The following AZIN2 variants were observed in gnomAD, a reference collection of about 807,000 sequenced individuals.
The protein encoded by AZIN2 is ODC antizyme inhibitor-2.
Under a neutral mutation model 47.8 loss-of-function variants are expected in AZIN2, and 28 were observed. That is an observed-to-expected ratio of 0.59 (90% CI 0.43 to 0.80). The LOEUF (loss-of-function observed/expected upper bound fraction) is 0.80. Among genes scored for constraint, AZIN2 ranks in the 30% least tolerant of loss-of-function variants. The pLI, the probability that AZIN2 is intolerant of heterozygous loss-of-function variation, is 0.00. For missense variants in AZIN2, 535 were observed against 582.5 expected (o/e 0.92, Z 0.84); for synonymous variants, 221 against 239.4 (o/e 0.92, Z 0.71).
intron 11 of AZIN2, chr1:33,119,345 G>C (rs1262416822): frequency 6.5e-6 from 1 of 153,450 alleles, no homozygotes; most frequent in East Asian, 1.9e-4. Context: ...GATGAATCTG[G>C]GTCCTGGCTG....
At chr1:33,090,110 C>A (rs1642367978) in intron 5 of AZIN2, among the ~76,000 whole-genome samples, 1 of 152,164 alleles carries the variant, frequency 6.6e-6, no homozygotes, top group African/African-American at 2.4e-5. Context: ...AGTCCACCAC[C>A]TAATTTTATG....
At chr1:33,138,074 G>A in the AZIN2 span, among the ~76,000 whole-genome samples, 15 of 152,216 alleles carry the variant, frequency 9.9e-5, no homozygotes, top group Non-Finnish European at 1.8e-4. Flanking sequence ...CAGCTCAGGG[G>A]AGGTGGAGGA....
chr1:33,132,884 T>C, the AZIN2 span, among the ~76,000 whole-genome samples: 1 of 152,228 alleles, frequency 6.6e-6, no homozygotes, highest in Non-Finnish European at 1.5e-5. Context: ...GAGAGGCACC[T>C]CCTGTAACTC....
the AZIN2 span, among the ~76,000 whole-genome samples, chr1:33,161,772 T>A: frequency 6.6e-6 from 1 of 152,282 alleles, no homozygotes; most frequent in Non-Finnish European, 1.5e-5. The surrounding 1 kb of genome is among the most constrained non-coding windows in gnomAD (Gnocchi z 4.3). Context: ...GCTACTCCTC[T>A]GGCTCCTCCT....
Position 33,117,261 on chromosome 1 carries a change from T to C in AZIN2, c.1030-641T>C, listed in dbSNP as rs1570214377. ...CATCTTTCTCATTAGACTGAGGGCCTGAGGGAGGGTGAGTCTAGCCTGGTA... is the reference window on the plus strand; with the variant it reads ...CATCTTTCTCATTAGACTGAGGGCCCGAGGGAGGGTGAGTCTAGCCTGGTA... On this transcript the variant is annotated intron_variant, in intron 10 of 11. Coordinates refer to ENST00000294517, the MANE Select transcript of AZIN2 (RefSeq NM_052998.4). 2.0e-5 allele frequency among the ~76,000 whole-genome samples: 3 copies of C among 152,134 alleles called. No homozygotes were observed. The South Asian group carries it at 6.2e-4, about 31-fold the overall frequency.
chr1:33,089,634 C>A (rs1480132646), intron 5 of AZIN2, among the ~76,000 whole-genome samples: 1 of 152,188 alleles, frequency 6.6e-6, no homozygotes, highest in Non-Finnish European at 1.5e-5. Context: ...GCAAGCCCAG[C>A]TCTGGAGCTT....
At chr1:33,112,042 C>G (rs1644313277) in intron 10 of AZIN2, among the ~76,000 whole-genome samples, 1 of 152,100 alleles carries the variant, frequency 6.6e-6, no homozygotes, top group Non-Finnish European at 1.5e-5. Context: ...CAGTGGTAAT[C>G]AAGGAAATGC....
the AZIN2 span, among the ~76,000 whole-genome samples, chr1:33,154,947 G>C: frequency 2.0e-5 from 3 of 151,184 alleles, no homozygotes; most frequent in African/African-American, 7.3e-5. Flanking sequence ...CAAAAAATTA[G>C]CCAGGCGTCT....
chr1:33,147,532 G>A, the AZIN2 span: 8 of 1,613,834 alleles, frequency 5.0e-6, no homozygotes, highest in Admixed American at 1.7e-5. The surrounding 1 kb of genome is among the most constrained non-coding windows in gnomAD (Gnocchi z 8.1). Context: ...GGTCTTCTCC[G>A]CCACCACCAC....
the AZIN2 span, among the ~76,000 whole-genome samples, chr1:33,152,517 A>G: frequency 1.1e-4 from 16 of 150,654 alleles, no homozygotes; most frequent in Non-Finnish European, 1.8e-4. Flanking sequence ...TGGTGAGCCA[A>G]GATTGTGCCA....
chr1:33,083,794 C>T (rs1238253351), intron 4 of AZIN2, 160 bp from the exon 5 acceptor site: 8 of 753,846 alleles, frequency 1.1e-5, no homozygotes, highest in Non-Finnish European at 1.6e-5. Flanking sequence ...GAGGAGTTTG[C>T]CTTCTGCCCT....
chr1:33,111,501 T>A (rs1359918947), intron 10 of AZIN2, among the ~76,000 whole-genome samples: 1 of 152,192 alleles, frequency 6.6e-6, no homozygotes, highest in Admixed American at 6.5e-5. Context: ...TTAAAATAGT[T>A]TAGTTTTGAT....
chr1:33,147,587 C>T, the AZIN2 span: 1 of 1,614,146 alleles, frequency 6.2e-7, no homozygotes, highest in Non-Finnish European at 8.5e-7. This position sits in a 1 kb window ranked among gnomAD's most constrained non-coding sequence, Gnocchi z 8.1. Flanking sequence ...GAACCCAGCA[C>T]CGACACCTCC....
At chr1:33,138,640 A>AAAAAAAAAAAG in the AZIN2 span, among the ~76,000 whole-genome samples, 7 of 149,394 alleles carry the variant, frequency 4.7e-5, no homozygotes, top group South Asian at 2.1e-4. Flanking sequence ...AAAAAAAAAA[A>AAAAAAAAAAAG]AAAAAGAAAA....
At chr1:33,098,379 A>C (rs1160807523) in intron 10 of AZIN2, among the ~76,000 whole-genome samples, 200 bp downstream of exon 10, 1 of 152,230 alleles carries the variant, frequency 6.6e-6, no homozygotes, top group African/African-American at 2.4e-5. Flanking sequence ...TACTTTTTTC[A>C]TGACATTGGA....
chr1:33,130,733 C>A, the AZIN2 span, among the ~76,000 whole-genome samples: 1 of 152,156 alleles, frequency 6.6e-6, no homozygotes, highest in East Asian at 1.9e-4. Flanking sequence ...ATTTGTTAGG[C>A]AGCAATAGAT....
downstream of AZIN2, among the ~76,000 whole-genome samples, chr1:33,124,888 T>C (rs1280388283): frequency 6.6e-6 from 1 of 152,228 alleles, no homozygotes; most frequent in Non-Finnish European, 1.5e-5. This position sits in a 1 kb window ranked among gnomAD's most constrained non-coding sequence, Gnocchi z 4.6. Flanking sequence ...CCATGGTGTA[T>C]ATGTGCCACA....
chr1:33,099,625 C>T (rs1643499229), intron 10 of AZIN2, among the ~76,000 whole-genome samples: 1 of 152,152 alleles, frequency 6.6e-6, no homozygotes, highest in Non-Finnish European at 1.5e-5. Context: ...AGCCCACTGC[C>T]ACGCCCCCCA....
chr1:33,086,651 C>T (rs762954121), intron 5 of AZIN2, among the ~76,000 whole-genome samples: 3 of 152,326 alleles, frequency 2.0e-5, no homozygotes, highest in African/African-American at 4.8e-5. Flanking sequence ...ATGCGTTGGA[C>T]GGGGGCCAGG....
Sources: gnomAD v4.1 joint callset for allele counts (sites outside exome capture counted in the v4.1 genomes callset) on GRCh38, gnomAD v4.1.1 for gene constraint, Gnocchi (gnomAD v3.1) non-coding constraint, MANE v1.5 for transcripts, NCBI Gene and HGNC (gene_info 2026-07-23, HGNC 2026-07-21) for gene names.